The following JCAD variants were observed in gnomAD, a reference collection of about 807,000 sequenced individuals.
JCAD encodes junctional cadherin 5 associated.
In JCAD, 40 loss-of-function variants were observed where a neutral mutation model predicts 98.0. The ratio of observed to expected loss-of-function variants is 0.41; its 90% CI spans 0.32 to 0.53. The LOEUF (loss-of-function observed/expected upper bound fraction) is 0.53. Among genes scored for constraint, JCAD ranks in the 20% least tolerant of loss-of-function variants. The pLI is 0.31. For missense variants in JCAD, 1,705 were observed against 1,738.1 expected, an observed-to-expected ratio of 0.98 and a Z score of 0.34; for synonymous variants, 691 against 682.3, an observed-to-expected ratio of 1.01 and a Z score of -0.20.
upstream of JCAD, among the ~76,000 whole-genome samples, chr10:30,061,238 C>T (rs555397722): frequency 6.6e-6 from 1 of 152,234 alleles, no homozygotes; most frequent in Admixed American, 6.5e-5. Context: ...AGTTCAGGTA[C>T]ATGTAATAGT....
intron 2 of JCAD, among the ~76,000 whole-genome samples, chr10:30,068,726 A>G (rs1837829954): frequency 6.6e-6 from 1 of 152,112 alleles, no homozygotes; most frequent in African/African-American, 2.4e-5. Flanking sequence ...TGCTCTCTCA[A>G]CCACCTCCTT....
At chr10:30,031,769 T>TC (rs1837001701) in intron 2 of JCAD, among the ~76,000 whole-genome samples, 1 of 129,960 alleles carries the variant, frequency 7.7e-6, no homozygotes, top group South Asian at 2.6e-4. Context: ...TTTTTTTTTT[T>TC]TTTGAGACGG....
At chr10:30,053,518 C>T (rs2132650948) in intron 1 of JCAD, among the ~76,000 whole-genome samples, 1 of 147,600 alleles carries the variant, frequency 6.8e-6, no homozygotes, top group African/African-American at 2.5e-5. Flanking sequence ...GAGATTGTGC[C>T]ACTACACTCC....
In JCAD at chr10:30,034,912, C is replaced by T. The variant is rs550403959; in HGVS notation, c.282-5046G>A. 9.2e-5 allele frequency among the ~76,000 whole-genome samples: 14 copies of T among 152,232 alleles called. No individual in the cohort carries two copies. In the South Asian group the frequency reaches 2.1e-3, roughly 23 times the overall value. ...GTGCTTTGCATCAGAAACAATCTAC[C>T]CTCTTACCTCTGCTCTTAGGCTGAT... On this transcript the variant is annotated intron_variant, in intron 2 of 3. Coordinates refer to ENST00000375377, the MANE Select transcript of JCAD (RefSeq NM_020848.4).
chr10:30,021,705 T>C (rs919185707), intron 3 of JCAD, among the ~76,000 whole-genome samples: 11 of 152,224 alleles, frequency 7.2e-5, no homozygotes, highest in African/African-American at 2.7e-4. Context: ...TCAATTTGCA[T>C]GAGCCATATT....
At chr10:30,081,613 G>A (rs1838087434) in intron 1 of JCAD, among the ~76,000 whole-genome samples, 1 of 152,040 alleles carries the variant, frequency 6.6e-6, no homozygotes, top group Admixed American at 6.6e-5. Flanking sequence ...TGTATTTTTA[G>A]TAGAGACGGG....
At position 30,051,475 on chromosome 10, in the gene JCAD, G is replaced by A. The variant is rs541701819; in HGVS notation, c.-59-3604C>T. ...TTGAGCTTTTCATAAATAACATGGGGCTATCATAAAGCCTGCTGTATGAAA... is the reference window on the plus strand; with the variant it reads ...TTGAGCTTTTCATAAATAACATGGGACTATCATAAAGCCTGCTGTATGAAA... On this transcript the variant is annotated intron_variant, in intron 1 of 3. Coordinates refer to ENST00000375377, the MANE Select transcript of JCAD (RefSeq NM_020848.4). Among the ~76,000 whole-genome samples, 15 of 152,172 alleles carry A rather than the reference G, an allele frequency of 9.9e-5. No individual in the cohort carries two copies. The South Asian group carries it at 3.1e-3, about 32-fold the overall frequency.
At chr10:30,019,182 C>A (rs1353753244) in intron 3 of JCAD, among the ~76,000 whole-genome samples, 1 of 151,530 alleles carries the variant, frequency 6.6e-6, no homozygotes, top group Non-Finnish European at 1.5e-5. Context: ...ATGCAAAAAC[C>A]CCATCTATAC....
chr10:30,029,803 G>T lies in JCAD; in HGVS notation c.345C>A (p.Tyr115Ter). ...TGGCTTCTTGCCGTCCTCTTCTCCG[G>T]TAGGCTTGGTCGTTACCAGTCGGGG... is the stretch of plus-strand genomic sequence containing the variant. ...SHPPTGNDQA[Y>*]RRRGRQEARS... Residue 115 changes from tyrosine (Y) to a stop codon, truncating the protein, a stop_gained, in exon 3 of 4, where the codon TAC (tyrosine) becomes TAA (stop). Coordinates refer to ENST00000375377, the MANE Select transcript of JCAD (RefSeq NM_020848.4). LOFTEE classifies it high-confidence loss of function. The T allele has an allele frequency of 6.2e-7, 1 of 1,614,186 alleles. No homozygotes were observed. The highest frequency in any genetic ancestry group is 1.1e-5 in the South Asian group (1 of 91,088).
intron 2 of JCAD, among the ~76,000 whole-genome samples, chr10:30,047,140 T>C (rs903529118): frequency 6.6e-6 from 1 of 151,952 alleles, no homozygotes; most frequent in East Asian, 1.9e-4. Flanking sequence ...TTGGGAGGCC[T>C]AGGCGGGCAG....
At chr10:30,022,082 G>A (rs1589675453) in intron 3 of JCAD, among the ~76,000 whole-genome samples, 1 of 152,156 alleles carries the variant, frequency 6.6e-6, no homozygotes, top group Admixed American at 6.5e-5. Context: ...TGACACTTCC[G>A]AATTGGAGCA....
At chr10:30,022,998 T>C (rs1318832147) in intron 3 of JCAD, among the ~76,000 whole-genome samples, 2 of 150,942 alleles carry the variant, frequency 1.3e-5, no homozygotes, top group African/African-American at 4.9e-5. Flanking sequence ...TGGTCCTTTC[T>C]TTTTTTTTAA....
intron 2 of JCAD, among the ~76,000 whole-genome samples, chr10:30,035,372 C>A (rs138432937): frequency 6.6e-6 from 1 of 152,154 alleles, no homozygotes; most frequent in South Asian, 2.1e-4. Context: ...ACAGGTCATC[C>A]GGGAAATTTT....
intron 1 of JCAD, among the ~76,000 whole-genome samples, chr10:30,074,549 CT>C (rs2132674894): frequency 6.6e-6 from 1 of 152,362 alleles, no homozygotes; most frequent in South Asian, 2.1e-4. Context: ...CCACCTCCAG[CT>C]GCCAGCGATC....
upstream of JCAD, among the ~76,000 whole-genome samples, chr10:30,060,320 A>AGG (rs138919511): frequency 0.014 from 2,138 of 152,278 alleles, 53 homozygotes; most frequent in African/African-American, 0.048. Context: ...CCTACAGGGC[A>AGG]GGGGTAGGAG....
At chr10:30,106,826 C>T (rs750099050) in intron 1 of JCAD, among the ~76,000 whole-genome samples, 1 of 152,162 alleles carries the variant, frequency 6.6e-6, no homozygotes, top group Non-Finnish European at 1.5e-5. Context: ...AGCTTAAATG[C>T]CTTGCAAAGT....
At chr10:30,037,729 T>TGAA (rs1397831297) in intron 2 of JCAD, among the ~76,000 whole-genome samples, 2 of 152,078 alleles carry the variant, frequency 1.3e-5, no homozygotes, top group African/African-American at 4.8e-5. Flanking sequence ...TTTGGACATT[T>TGAA]GAAGAAGGGG....
intron 2 of JCAD, among the ~76,000 whole-genome samples, chr10:30,046,738 C>T (rs1837345816): frequency 6.6e-6 from 1 of 152,100 alleles, no homozygotes; most frequent in African/African-American, 2.4e-5. Context: ...TATTGAAGGC[C>T]CATTATGGCC....
chr10:30,041,191 CACTT>C (rs760846236), intron 2 of JCAD, among the ~76,000 whole-genome samples: 1 of 151,994 alleles, frequency 6.6e-6, no homozygotes. Flanking sequence ...GAAGTTTCCA[CACTT>C]ACGAACGAGA....
Sources: gnomAD v4.1 joint callset for allele counts (sites outside exome capture counted in the v4.1 genomes callset) on GRCh38, gnomAD v4.1.1 for gene constraint, MANE v1.5 for transcripts, NCBI Gene and HGNC (gene_info 2026-07-23, HGNC 2026-07-21) for gene names.